Variants in RDX observed in about 807,000 individuals in gnomAD.
The protein encoded by RDX is deafness, autosomal recessive 24.
RDX carries 32 observed loss-of-function variants against 83.7 expected under a neutral mutation model. The observed-to-expected ratio is 0.38, with a 90% CI of 0.29 to 0.51. RDX has a LOEUF of 0.51. RDX is among the 20% of genes least tolerant of loss of function. The pLI is 0.87. For synonymous variants in RDX, 229 were observed against 222.7 expected (o/e 1.03, Z -0.25); for missense variants, 600 against 689.9 (o/e 0.87, Z 1.46).
intron 8 of RDX, among the ~76,000 whole-genome samples, chr11:110,254,737 A>G (rs1031334085): frequency 2.6e-5 from 4 of 152,148 alleles, no homozygotes; most frequent in Non-Finnish European, 5.9e-5. Flanking sequence ...CGAGCCTCCC[A>G]AAGTGCTGGG....
chr11:110,201,796 C>T (rs989270816), intron 14 of RDX, among the ~76,000 whole-genome samples: 7 of 152,076 alleles, frequency 4.6e-5, no homozygotes, highest in African/African-American at 7.2e-5. Flanking sequence ...AGTGCAATGG[C>T]GCCGTCTTGG....
chr11:110,222,437 T>C (rs905292665), intron 14 of RDX, among the ~76,000 whole-genome samples: 2 of 152,218 alleles, frequency 1.3e-5, no homozygotes, highest in African/African-American at 2.4e-5. Flanking sequence ...CCAGGTCTTA[T>C]ATTGTCTGGT....
At chr11:110,224,615 C>A (rs1864371836), downstream of RDX, among the ~76,000 whole-genome samples, 1 of 152,174 alleles carries the variant, frequency 6.6e-6, no homozygotes, top group Non-Finnish European at 1.5e-5. Flanking sequence ...TATTGTGCCA[C>A]TAAAGAACCC....
rs546964247 is a variant in RDX at position 110,273,393 on chromosome 11, C to T, written c.13-774G>A. On this transcript the variant is annotated intron_variant, in intron 2 of 13. Coordinates refer to ENST00000645495, the MANE Select transcript of RDX (RefSeq NM_002906.4). ...GCATTTATCTACAGTGCTTTATTTGCTAGATTCTATTTTTTGTTGTTTTTA... is the reference window on the plus strand; with the variant it reads ...GCATTTATCTACAGTGCTTTATTTGTTAGATTCTATTTTTTGTTGTTTTTA... Among the ~76,000 whole-genome samples, 27 of 152,244 alleles carry T rather than the reference C, an allele frequency of 1.8e-4. No homozygotes were observed. In the South Asian group the frequency reaches 5.4e-3, roughly 30 times the overall value.
chr11:110,239,675 G>A (rs1865001792), intron 10 of RDX, among the ~76,000 whole-genome samples: 1 of 151,992 alleles, frequency 6.6e-6, no homozygotes, highest in African/African-American at 2.4e-5. Context: ...GACAGGCAAG[G>A]CTGGGCAAGG....
chr11:110,249,547 G>A (rs768167980), intron 9 of RDX, among the ~76,000 whole-genome samples: 2 of 152,030 alleles, frequency 1.3e-5, no homozygotes, highest in Non-Finnish European at 2.9e-5. Flanking sequence ...AAAACATAAC[G>A]GGTCACCACA....
chr11:110,219,220 G>A (rs1001633443), intron 14 of RDX, among the ~76,000 whole-genome samples: 1 of 152,190 alleles, frequency 6.6e-6, no homozygotes, highest in Non-Finnish European at 1.5e-5. Context: ...CTTCCAAGCT[G>A]AGTAAGAGGA....
In RDX at chr11:110,230,541, A is replaced by G. The variant is rs1007259613; in HGVS notation, c.*1328T>C. The G allele has an allele frequency of 6.6e-6, 1 of 151,276 alleles. No individual in the cohort carries two copies. The highest frequency in any genetic ancestry group is 1.5e-5 in the Non-Finnish European group (1 of 67,858). 9.4% of individuals were successfully genotyped at this position (151,276 alleles called of 1,614,324 possible). A position where few individuals can be genotyped will look rare whatever the true frequency, so the allele number is the denominator to read the frequency against. On this transcript the variant is annotated 3_prime_UTR_variant, in exon 14 of 14. Coordinates refer to ENST00000645495, the MANE Select transcript of RDX (RefSeq NM_002906.4). The stretch of plus-strand genomic sequence containing the variant: ...AAGGTACAGACATTCTTCACATGCT[A>G]CAAGGTTAGCATTTCTCTCTCTCAT...
chr11:110,203,999 G>A (rs576993436), intron 14 of RDX, among the ~76,000 whole-genome samples: 29 of 152,052 alleles, frequency 1.9e-4, no homozygotes, highest in African/African-American at 6.5e-4. Flanking sequence ...CCAAGATAAC[G>A]CCACTGCACT....
rs1164123297 is a variant in RDX, at chr11:110,273,100, T to C, written c.13-481A>G. ...TGGGTGTGGTGGCATGTGCCTGTTA[T>C]TTCCAGGAAGCTGAGATGGGAGGAT... On this transcript the variant is annotated intron_variant, in intron 2 of 13. Coordinates refer to ENST00000645495, the MANE Select transcript of RDX (RefSeq NM_002906.4). 8.8e-6 allele frequency: 4 copies of C among 455,872 alleles called. No individual in the cohort carries two copies. The Admixed American group carries it at 9.4e-5, about 11-fold the overall frequency. The allele number at this position is 455,872 out of a possible 1,614,324, so 28.2% of individuals were successfully genotyped here. A position where few individuals can be genotyped will look rare whatever the true frequency, so the allele number is the denominator to read the frequency against.
At chr11:110,198,076 C>T (rs1264814410) in intron 15 of RDX, among the ~76,000 whole-genome samples, 1 of 152,112 alleles carries the variant, frequency 6.6e-6, no homozygotes, top group Non-Finnish European at 1.5e-5. Context: ...TTTTTTGTCA[C>T]ATAAATAAGT....
chr11:110,180,013 T>C (rs1366862133), intron 15 of RDX: 2 of 327,382 alleles, frequency 6.1e-6, no homozygotes, highest in Non-Finnish European at 1.2e-5. Flanking sequence ...GCGATTCTCC[T>C]GCCTCAGCCT....
At chr11:110,221,644 A>ACACACG (rs1319219218) in intron 14 of RDX, among the ~76,000 whole-genome samples, 1 of 151,246 alleles carries the variant, frequency 6.6e-6, no homozygotes, top group African/African-American at 2.4e-5. Flanking sequence ...ACACACACAC[A>ACACACG]CGAAGATCAA....
chr11:110,265,571 T>C (rs1440374212), intron 3 of RDX, among the ~76,000 whole-genome samples: 4 of 152,018 alleles, frequency 2.6e-5, no homozygotes, highest in Admixed American at 1.3e-4. Flanking sequence ...AAGTACCCTA[T>C]TGGTATATTT....
intron 14 of RDX, among the ~76,000 whole-genome samples, chr11:110,221,017 A>G (rs2134276049): frequency 6.6e-6 from 1 of 152,290 alleles, no homozygotes; most frequent in Admixed American, 6.5e-5. Flanking sequence ...TGCCTAGAAA[A>G]ACCATGCAGA....
At chr11:110,209,500 G>A (rs1336527372) in intron 14 of RDX, among the ~76,000 whole-genome samples, 3 of 152,336 alleles carry the variant, frequency 2.0e-5, no homozygotes, top group South Asian at 2.1e-4. Context: ...GCTCAAGGAG[G>A]ACTGCCTGCC....
In RDX at chr11:110,257,805, A is replaced by G; in HGVS notation, c.660T>C (p.Val220=). ...NKKGTELWLG[V]DALGLNIYEH... ...CATAAATATTCAGACCCAAAGCATC[A>G]ACACCTAGCCACAATTCAGTTCCTT... The change falls in exon 7 of 14, where the codon GTT becomes GTC. Residue 220 remains valine, a synonymous_variant. Transcript: ENST00000645495. The G allele has an allele frequency of 6.2e-7, 1 of 1,612,222 alleles. No individual in the cohort carries two copies. The highest frequency in any genetic ancestry group is 8.5e-7 in the Non-Finnish European group (1 of 1,179,702).
At chr11:110,179,754 A>T (rs1427812382) in intron 15 of RDX, 1 of 290,656 alleles carries the variant, frequency 3.4e-6, no homozygotes, top group Non-Finnish European at 6.9e-6. Flanking sequence ...CCTGGGCAAC[A>T]GAGCAAGATT....
intron 3 of RDX, among the ~76,000 whole-genome samples, chr11:110,267,875 G>A (rs1405626673): frequency 6.6e-6 from 1 of 151,460 alleles, no homozygotes; most frequent in Non-Finnish European, 1.5e-5. Flanking sequence ...GATCACTTAA[G>A]TCCAGGAGGT....
Sources: allele counts gnomAD v4.1 joint callset (sites outside exome capture counted in the v4.1 genomes callset), GRCh38; gene constraint gnomAD v4.1.1; transcripts MANE v1.5; gene names NCBI Gene and HGNC (gene_info 2026-07-23, HGNC 2026-07-21).